The following ETV6 variants were observed in gnomAD, a reference collection of about 807,000 sequenced individuals.
The protein encoded by ETV6 is ETS variant transcription factor 6.
Under a neutral mutation model 51.1 loss-of-function variants are expected in ETV6, and 16 were observed. That is an observed-to-expected ratio of 0.31 (90% CI 0.21 to 0.48). The LOEUF (loss-of-function observed/expected upper bound fraction) is 0.48. Ranked by LOEUF, ETV6 falls within the 20% of genes least tolerant of loss-of-function variation. ETV6 has a pLI of 0.99. For missense variants in ETV6, 458 were observed against 594.8 expected (o/e 0.77, Z 2.39); for synonymous variants, 240 against 224.1 (o/e 1.07, Z -0.64).
At chr12:11,763,220 A>G (rs947199415) in intron 2 of ETV6, among the ~76,000 whole-genome samples, 2 of 152,180 alleles carry the variant, frequency 1.3e-5, no homozygotes, top group Admixed American at 6.5e-5. Context: ...GGTGGTAGTG[A>G]AGCCACCTCA....
At chr12:11,748,804 A>G (rs1865954625) in intron 1 of ETV6, among the ~76,000 whole-genome samples, 1 of 152,170 alleles carries the variant, frequency 6.6e-6, no homozygotes, top group Non-Finnish European at 1.5e-5. Flanking sequence ...CTTCATGGCT[A>G]GGGGAGAAAT....
At chr12:11,884,352 A>C (rs1201955696) in intron 5 of ETV6, 93 bp from the exon 6 acceptor site, 15 of 1,395,098 alleles carry the variant, frequency 1.1e-5, no homozygotes, top group Admixed American at 1.7e-5. Context: ...CAAGCTAGGC[A>C]GAAGCAGTTG....
At chr12:11,783,820 C>T (rs554770336) in intron 2 of ETV6, among the ~76,000 whole-genome samples, 6 of 152,284 alleles carry the variant, frequency 3.9e-5, no homozygotes, top group African/African-American at 1.4e-4. Flanking sequence ...TCCCACTTCA[C>T]AGCCTTTTTG....
rs111831865 is a variant in ETV6, at chr12:11,848,648, G to A, written c.329-4779G>A. Among the ~76,000 whole-genome samples, 1,099 of 152,374 alleles carry A rather than the reference G, an allele frequency of 7.2e-3. 6 individuals are homozygous for A. The highest frequency in any genetic ancestry group is 0.013 in the Non-Finnish European group (863 of 68,036). On this transcript the variant is annotated intron_variant, in intron 3 of 7. Coordinates refer to ENST00000396373, the MANE Select transcript of ETV6 (RefSeq NM_001987.5). ...CACGCGCGTGTGCATGCACCCAGGA[G>A]TATATCTAGATTTTATGGGCCTGAG...
chr12:11,719,698 A>G (rs7302827), intron 1 of ETV6, among the ~76,000 whole-genome samples: 8,041 of 152,262 alleles, frequency 0.053, 688 homozygotes, highest in African/African-American at 0.18. Context: ...TCAGGCTTGA[A>G]TCTGAGAAAG....
At chr12:11,699,215 A>T (rs778490622) in intron 1 of ETV6, among the ~76,000 whole-genome samples, 1 of 152,204 alleles carries the variant, frequency 6.6e-6, no homozygotes, top group Non-Finnish European at 1.5e-5. Context: ...GACATCTAGG[A>T]TAAATGGAAG....
intron 2 of ETV6, among the ~76,000 whole-genome samples, chr12:11,778,955 T>C (rs114469541): frequency 0.013 from 1,954 of 152,330 alleles, 45 homozygotes; most frequent in African/African-American, 0.045. Flanking sequence ...CTTGGGTTGG[T>C]GGTTATTTTA....
At chr12:11,678,131 CA>C (rs1369692231) in intron 1 of ETV6, among the ~76,000 whole-genome samples, 2 of 152,132 alleles carry the variant, frequency 1.3e-5, no homozygotes, top group East Asian at 3.8e-4. Context: ...TATGGATGGC[CA>C]GGTACCATGC....
At chr12:11,766,763 G>A (rs1945167498) in intron 2 of ETV6, among the ~76,000 whole-genome samples, 1 of 152,164 alleles carries the variant, frequency 6.6e-6, no homozygotes, top group African/African-American at 2.4e-5. Context: ...TCAGCAATGG[G>A]GTGGGGGCGG....
intron 1 of ETV6, among the ~76,000 whole-genome samples, chr12:11,658,495 A>C (rs528509999): frequency 1.3e-5 from 2 of 152,342 alleles, no homozygotes; most frequent in South Asian, 4.1e-4. Context: ...TCGGCCTCTG[A>C]AAGTGCTGGG....
chr12:11,749,177 A>C (rs1257036295), intron 1 of ETV6, among the ~76,000 whole-genome samples: 1 of 152,082 alleles, frequency 6.6e-6, no homozygotes, highest in Non-Finnish European at 1.5e-5. Context: ...GACCTCCACC[A>C]GCAGTTTATC....
Position 11,672,527 on chromosome 12 carries a change from C to T in ETV6, c.33+22367C>T, listed in dbSNP as rs112968628. ...GTAGCAATTAAGTAGCATGGGAACT[C>T]GGGCTCAGATGGCTGATACAGTTGT... On this transcript the variant is annotated intron_variant, in intron 1 of 7. Coordinates refer to ENST00000396373, the MANE Select transcript of ETV6 (RefSeq NM_001987.5). Among the ~76,000 whole-genome samples the T allele has an allele frequency of 2.3e-3, 343 of 152,278 alleles. 2 individuals are homozygous for T. Among genetic ancestry groups the T allele is most frequent in the African/African-American group, 7.8e-3 (325 of 41,558 alleles).
intron 2 of ETV6, among the ~76,000 whole-genome samples, chr12:11,816,025 A>G (rs1945988501): frequency 6.6e-6 from 1 of 152,148 alleles, no homozygotes; most frequent in Non-Finnish European, 1.5e-5. Context: ...TTTGAAGTGT[A>G]TGTGGTTCAC....
At chr12:11,744,389 T>G (rs1415595167) in intron 1 of ETV6, among the ~76,000 whole-genome samples, 2 of 152,212 alleles carry the variant, frequency 1.3e-5, no homozygotes, top group Non-Finnish European at 2.9e-5. Context: ...AGTACCTGTT[T>G]CTTCTGCTGT....
At chr12:11,882,902 G>A (rs1242530409) in intron 5 of ETV6, among the ~76,000 whole-genome samples, 1 of 152,220 alleles carries the variant, frequency 6.6e-6, no homozygotes, top group Non-Finnish European at 1.5e-5. Flanking sequence ...AAGTAAAAAA[G>A]AAAGAACATT....
chr12:11,650,639 G>T (rs1371595036), intron 1 of ETV6, among the ~76,000 whole-genome samples: 1 of 151,748 alleles, frequency 6.6e-6, no homozygotes, highest in Non-Finnish European at 1.5e-5. Flanking sequence ...TTTTTTAAAG[G>T]ACTCTCTGGG....
In ETV6 at chr12:11,806,165, G is replaced by A. The variant is rs964787305; in HGVS notation, c.164-32975G>A. ...TGGGGCCCAATTCTATTGCTCTTGC[G>A]TCTGTCACACAGTTGAGGTTTTGGA... On this transcript the variant is annotated intron_variant, in intron 2 of 7. Coordinates refer to ENST00000396373, the MANE Select transcript of ETV6 (RefSeq NM_001987.5). 6.6e-5 allele frequency among the ~76,000 whole-genome samples: 10 copies of A among 152,260 alleles called. No individual in the cohort carries two copies. In the South Asian group the frequency reaches 1.5e-3, roughly 22 times the overall value.
At chr12:11,874,408 A>ATG (rs1355091763) in intron 5 of ETV6, among the ~76,000 whole-genome samples, 2 of 40,092 alleles carry the variant, frequency 5.0e-5, no homozygotes, top group African/African-American at 1.2e-4. Flanking sequence ...GTATATATAT[A>ATG]TGTGTGTATA....
intron 3 of ETV6, among the ~76,000 whole-genome samples, chr12:11,841,078 C>T (rs532140131): frequency 6.6e-6 from 1 of 152,342 alleles, no homozygotes; most frequent in South Asian, 2.1e-4. Flanking sequence ...AAGCTTTCCT[C>T]CCAAGTCTCT....
Sources: allele counts gnomAD v4.1 joint callset (sites outside exome capture counted in the v4.1 genomes callset), GRCh38; gene constraint gnomAD v4.1.1; transcripts MANE v1.5; gene names NCBI Gene and HGNC (gene_info 2026-07-23, HGNC 2026-07-21).